The following CNBD1 variants were observed in gnomAD, a reference collection of about 807,000 sequenced individuals.
CNBD1 encodes the protein cyclic nucleotide binding domain containing 1, also known as cyclic nucleotide-binding domain-containing protein 1.
A neutral mutation model predicts 54.4 loss-of-function variants in CNBD1; 71 were observed. The ratio of observed to expected loss-of-function variants is 1.30; its 90% CI spans 1.08 to 1.59. CNBD1 has a LOEUF of 1.59. Among genes scored for constraint, CNBD1 ranks in the 40% most tolerant of loss-of-function variants. The pLI, the probability that CNBD1 is intolerant of heterozygous loss-of-function variation, is 0.00. For synonymous variants in CNBD1, 182 were observed against 170.7 expected (o/e 1.07, Z -0.51); for missense variants, 659 against 518.0 (o/e 1.27, Z -2.64).
At chr8:87,203,977 G>C (rs1055860627) in intron 4 of CNBD1, among the ~76,000 whole-genome samples, 1 of 152,150 alleles carries the variant, frequency 6.6e-6, no homozygotes. Flanking sequence ...TTAAAAATTA[G>C]ACCTTAGATC....
At chr8:87,181,038 T>C (rs1304469120) in intron 4 of CNBD1, among the ~76,000 whole-genome samples, 1 of 152,130 alleles carries the variant, frequency 6.6e-6, no homozygotes, top group Non-Finnish European at 1.5e-5. Flanking sequence ...TTCTATTCAC[T>C]TTCTTCCCCC....
At chr8:87,361,034 A>G (rs1489857912) in intron 10 of CNBD1, among the ~76,000 whole-genome samples, 3 of 151,980 alleles carry the variant, frequency 2.0e-5, no homozygotes, top group African/African-American at 7.2e-5. Context: ...TGTTAAATTA[A>G]CAAAACTAAT....
At chr8:87,013,759 G>A (rs1450005517) in intron 4 of CNBD1, among the ~76,000 whole-genome samples, 1 of 150,882 alleles carries the variant, frequency 6.6e-6, no homozygotes, top group African/African-American at 2.4e-5. Context: ...ATATTTAAAG[G>A]CCTTTATAAA....
intron 4 of CNBD1, among the ~76,000 whole-genome samples, chr8:86,986,718 T>A (rs1808616282): frequency 6.6e-6 from 1 of 152,308 alleles, no homozygotes. Context: ...TCCAACTTTG[T>A]TCTTCTGCTT....
Position 87,355,360 on chromosome 8 carries a change from T to C in CNBD1, c.1303+1574T>C, listed in dbSNP as rs141711574. Among the ~76,000 whole-genome samples, 588 of 152,278 alleles carry C rather than the reference T, an allele frequency of 3.9e-3. 5 individuals carry two copies. The highest frequency in any genetic ancestry group is 0.014 in the African/African-American group (563 of 41,556). Reference sequence around the variant, plus strand: ...CATCTCTAAGGTCATTGCTTTTATGTTTTTGGTTCAGGTCAAGTATGTAAC... The same window carrying C: ...CATCTCTAAGGTCATTGCTTTTATGCTTTTGGTTCAGGTCAAGTATGTAAC... On this transcript the variant is annotated intron_variant, in intron 10 of 10. Coordinates refer to ENST00000518476, the MANE Select transcript of CNBD1 (RefSeq NM_173538.3).
At chr8:86,945,461 G>T (rs1448609142) in intron 4 of CNBD1, among the ~76,000 whole-genome samples, 1 of 152,130 alleles carries the variant, frequency 6.6e-6, no homozygotes, top group Non-Finnish European at 1.5e-5. Flanking sequence ...ATGCAATATG[G>T]TTCTTATGCT....
At chr8:87,362,566 A>G (rs1412748182) in intron 10 of CNBD1, among the ~76,000 whole-genome samples, 1 of 151,968 alleles carries the variant, frequency 6.6e-6, no homozygotes. Flanking sequence ...CCTTATTTAC[A>G]TTTGTGCCAA....
chr8:86,913,115 A>G (rs1223696840), intron 3 of CNBD1, among the ~76,000 whole-genome samples: 1 of 152,224 alleles, frequency 6.6e-6, no homozygotes, highest in Admixed American at 6.5e-5. Context: ...AAATGTTACA[A>G]TAAGCAAAGG....
At chr8:87,369,865 T>G (rs896795606) in intron 10 of CNBD1, among the ~76,000 whole-genome samples, 3 of 152,028 alleles carry the variant, frequency 2.0e-5, no homozygotes, top group African/African-American at 7.2e-5. Context: ...TCCTATATGC[T>G]ATCCCTCCCC....
At chr8:87,390,148 G>C (rs1432421504) in intron 2 of CNBD1, among the ~76,000 whole-genome samples, 1 of 151,802 alleles carries the variant, frequency 6.6e-6, no homozygotes, top group Non-Finnish European at 1.5e-5. Context: ...AAAAACCCTA[G>C]GAGAAAACCT....
At chr8:86,989,435 T>C (rs1462192193) in intron 4 of CNBD1, among the ~76,000 whole-genome samples, 1 of 152,100 alleles carries the variant, frequency 6.6e-6, no homozygotes, top group Admixed American at 6.6e-5. Flanking sequence ...TTTCTAGTTT[T>C]AGTTTTTATT....
intron 6 of CNBD1, among the ~76,000 whole-genome samples, chr8:87,264,620 G>C (rs1808210659): frequency 6.6e-6 from 1 of 152,124 alleles, no homozygotes; most frequent in Non-Finnish European, 1.5e-5. Flanking sequence ...CACCAACAGT[G>C]TAAAAGCGTT....
At chr8:87,117,934 T>C (rs978754815) in intron 4 of CNBD1, among the ~76,000 whole-genome samples, 1 of 152,106 alleles carries the variant, frequency 6.6e-6, no homozygotes, top group Non-Finnish European at 1.5e-5. Context: ...CAAAACAAAC[T>C]TTTCTGCCCT....
At chr8:87,322,201 C>A (rs2130900888) in intron 8 of CNBD1, among the ~76,000 whole-genome samples, 1 of 122,244 alleles carries the variant, frequency 8.2e-6, no homozygotes, top group East Asian at 2.0e-4. Context: ...TCCAGTCTAT[C>A]ATTGTTGGAC....
intron 6 of CNBD1, among the ~76,000 whole-genome samples, chr8:87,252,034 GT>G (rs1807928317): frequency 6.6e-6 from 1 of 151,988 alleles, no homozygotes; most frequent in East Asian, 1.9e-4. Flanking sequence ...GAATTTGAGT[GT>G]TTTTGAAGAA....
chr8:87,257,921 A>G (rs1808054085), intron 6 of CNBD1, among the ~76,000 whole-genome samples: 1 of 151,782 alleles, frequency 6.6e-6, no homozygotes, highest in Non-Finnish European at 1.5e-5. Context: ...CAATAACATA[A>G]TAACGTTAAT....
At chr8:87,186,433 A>T (rs1461258508) in intron 4 of CNBD1, among the ~76,000 whole-genome samples, 1 of 152,134 alleles carries the variant, frequency 6.6e-6, no homozygotes, top group Non-Finnish European at 1.5e-5. Context: ...TACAACCATC[A>T]TTCCAGCTCC....
At chr8:87,388,507 T>C (rs1811238511) in intron 2 of CNBD1, among the ~76,000 whole-genome samples, 1 of 152,130 alleles carries the variant, frequency 6.6e-6, no homozygotes, top group Admixed American at 6.5e-5. Context: ...CTAGAAGAAA[T>C]GGATAAATTC....
chr8:87,232,904 A>G (rs1371304967), intron 5 of CNBD1, among the ~76,000 whole-genome samples: 1 of 152,158 alleles, frequency 6.6e-6, no homozygotes, highest in Admixed American at 6.6e-5. Context: ...AAGTAATAGT[A>G]TGTAATATGA....
Sources: gnomAD v4.1 joint callset for allele counts (sites outside exome capture counted in the v4.1 genomes callset) on GRCh38, gnomAD v4.1.1 for gene constraint, MANE v1.5 for transcripts, NCBI Gene and HGNC (gene_info 2026-07-23, HGNC 2026-07-21) for gene names.